Variants in ZYG11A observed in about 807,000 individuals in gnomAD.
ZYG11A encodes the protein protein zyg-11 homolog A.
A neutral mutation model predicts 77.2 loss-of-function variants in ZYG11A; 62 were observed. That is an observed-to-expected ratio of 0.80 (90% CI 0.65 to 0.99). The LOEUF (loss-of-function observed/expected upper bound fraction) is 0.99, where lower values mean the gene tolerates loss of function less well. Ranked by LOEUF, ZYG11A falls within the 50% of genes least tolerant of loss-of-function variation. The probability of loss-of-function intolerance (pLI) is 0.00; values close to 1 mark genes in which losing one functional copy is unlikely to be tolerated. For missense variants in ZYG11A, 828 were observed against 896.8 expected (o/e 0.92, Z 0.98); for synonymous variants, 315 against 324.6 (o/e 0.97, Z 0.32).
intron 11 of ZYG11A, among the ~76,000 whole-genome samples, chr1:52,883,726 C>G (rs892437894): frequency 7.2e-5 from 11 of 152,026 alleles, no homozygotes; most frequent in African/African-American, 2.7e-4. Flanking sequence ...CATGCCCAGC[C>G]TAATTTTTAA....
intron 13 of ZYG11A, among the ~76,000 whole-genome samples, chr1:52,890,429 G>A (rs1310526007): frequency 6.7e-6 from 1 of 150,188 alleles, no homozygotes. Context: ...GTAGAAACCG[G>A]GTTTCATCAT....
At chr1:52,889,792 A>G (rs1353539031) in intron 13 of ZYG11A, among the ~76,000 whole-genome samples, 3 of 151,192 alleles carry the variant, frequency 2.0e-5, no homozygotes, top group South Asian at 2.1e-4. Context: ...GCTCGCTGCA[A>G]GCTCTGCCTC....
intron 8 of ZYG11A, 28 bp from the exon 9 acceptor site, chr1:52,877,654 A>G (rs976336909): frequency 1.3e-6 from 2 of 1,532,932 alleles, no homozygotes; most frequent in Non-Finnish European, 1.8e-6. Context: ...AGAGCATCTA[A>G]CTCCCTCCCT....
At chr1:52,852,803 C>T (rs940614796) in intron 1 of ZYG11A, among the ~76,000 whole-genome samples, 1 of 152,122 alleles carries the variant, frequency 6.6e-6, no homozygotes, top group South Asian at 2.1e-4. Flanking sequence ...GTCTGGCCTA[C>T]CTTAAATGTG....
At chr1:52,873,870 G>C (rs1293958229) in intron 8 of ZYG11A, among the ~76,000 whole-genome samples, 1 of 151,962 alleles carries the variant, frequency 6.6e-6, no homozygotes, top group Non-Finnish European at 1.5e-5. Context: ...TGTAGTCCCA[G>C]CTACTCGGGA....
chr1:52,847,030 T>C (rs929283809), intron 1 of ZYG11A, among the ~76,000 whole-genome samples: 10 of 152,002 alleles, frequency 6.6e-5, no homozygotes, highest in African/African-American at 2.2e-4. Context: ...GTATTTTTAG[T>C]AGAGACGGGG....
intron 8 of ZYG11A, among the ~76,000 whole-genome samples, chr1:52,871,654 T>C (rs1646168991): frequency 6.6e-6 from 1 of 152,056 alleles, no homozygotes; most frequent in African/African-American, 2.4e-5. Flanking sequence ...AATTTTTGTA[T>C]TTTTAGTAGA....
chr1:52,869,212 A>ATTT (rs34681867), intron 8 of ZYG11A, among the ~76,000 whole-genome samples: 1,153 of 73,696 alleles, frequency 0.016, 15 homozygotes, highest in African/African-American at 0.024. Context: ...ACTTTATAGG[A>ATTT]TTTTTTTTTT....
intron 1 of ZYG11A, among the ~76,000 whole-genome samples, chr1:52,852,982 G>A (rs1006541007): frequency 1.3e-5 from 2 of 152,212 alleles, no homozygotes; most frequent in Non-Finnish European, 2.9e-5. Context: ...TGGGCCTGAA[G>A]AATGTTTGAA....
intron 3 of ZYG11A, among the ~76,000 whole-genome samples, chr1:52,857,983 C>T (rs1018792269): frequency 6.6e-6 from 1 of 151,784 alleles, no homozygotes; most frequent in Non-Finnish European, 1.5e-5. Context: ...GATTGGGTTT[C>T]TTCATGTTGG....
At position 52,857,091 on chromosome 1, in the gene ZYG11A, C is replaced by T. The variant is rs1310053805; in HGVS notation, c.350C>T (p.Ala117Val). 4 of 1,551,700 alleles carry T rather than the reference C, an allele frequency of 2.6e-6. No homozygotes were observed. In the African/African-American group the frequency reaches 4.1e-5, roughly 16 times the overall value. Residue 117 changes from alanine (A) to valine (V), a missense_variant, in exon 3 of 14, where the codon GCA becomes GTA. Coordinates refer to ENST00000371528, the MANE Select transcript of ZYG11A (RefSeq NM_001004339.3). ...NIQKAKISTA[A>V]FIKAFCRHKL... is the part of the protein sequence containing the mutation. ...CAAAAAGCTAAAATCTCTACAGCTG[C>T]ATTCATAAAAGCCTTCTGCCGTCAT...
intron 8 of ZYG11A, among the ~76,000 whole-genome samples, chr1:52,870,319 C>T (rs1249778919): frequency 4.6e-5 from 7 of 151,246 alleles, no homozygotes; most frequent in Non-Finnish European, 7.4e-5. Flanking sequence ...CAGGCAGAGA[C>T]GCTTCTCACT....
At chr1:52,889,960 G>A (rs930672580) in intron 13 of ZYG11A, among the ~76,000 whole-genome samples, 4 of 151,436 alleles carry the variant, frequency 2.6e-5, no homozygotes, top group East Asian at 3.9e-4. Flanking sequence ...TGATCCACCC[G>A]CCTTGGCCTC....
Position 52,889,214 on chromosome 1 carries a change from G to A in ZYG11A, c.2104+2161G>A, listed in dbSNP as rs531572947. Among the ~76,000 whole-genome samples the A allele has an allele frequency of 5.9e-5, 9 of 152,060 alleles. No homozygotes were observed. The East Asian group carries it at 1.4e-3, about 23-fold the overall frequency. On this transcript the variant is annotated intron_variant, in intron 13 of 13. Transcript: ENST00000371528. ...GCTGAAGTGCAGCGGCTTGATCACAGCTCACTGCAGTCTCAGCTCAGGTGA... is the reference window on the plus strand; with the variant it reads ...GCTGAAGTGCAGCGGCTTGATCACAACTCACTGCAGTCTCAGCTCAGGTGA...
Position 52,877,843 on chromosome 1 carries a change from G to C in ZYG11A, c.1704G>C (p.Glu568Asp). The C allele has an allele frequency of 4.5e-6, 7 of 1,551,368 alleles. No homozygotes were observed. The highest frequency in any genetic ancestry group is 5.2e-6 in the Non-Finnish European group (6 of 1,146,916). Residue 568 changes from glutamate (E) to aspartate (D), a missense_variant and splice_region_variant, in exon 9 of 14, where the codon GAG (glutamate) becomes GAC (aspartate). Glu to Asp is a conservative substitution (Grantham distance 45). Transcript: ENST00000371528. ...QGLQIFIQVL[E>D]TFSESAIQSK... is the part of the protein sequence containing the mutation. Reference sequence around the variant, plus strand: ...TGCAAATCTTCATCCAAGTCTTGGAGGTGGGAAGACAGGATTGAGTTTATA... The same window carrying C: ...TGCAAATCTTCATCCAAGTCTTGGACGTGGGAAGACAGGATTGAGTTTATA...
chr1:52,887,087 T>C, intron 13 of ZYG11A, 34 bp downstream of exon 13: 1 of 1,202,550 alleles, frequency 8.3e-7, no homozygotes, highest in Non-Finnish European at 1.2e-6. Context: ...AACATAATAG[T>C]TTTCCAGCTA....
intron 10 of ZYG11A, among the ~76,000 whole-genome samples, chr1:52,879,034 T>G (rs1382148911): frequency 6.6e-6 from 1 of 151,560 alleles, no homozygotes; most frequent in African/African-American, 2.4e-5. Flanking sequence ...ATTAATCACT[T>G]TACTATACTA....
chr1:52,879,718 C>A (rs1646327986), intron 10 of ZYG11A, among the ~76,000 whole-genome samples: 1 of 151,772 alleles, frequency 6.6e-6, no homozygotes, highest in East Asian at 1.9e-4. Context: ...ACATATCCTA[C>A]CAGCTGACCT....
chr1:52,842,937 C>T lies in ZYG11A; in HGVS notation c.54C>T (p.Asp18=). The part of the protein sequence containing the change: ...GHTPRNIVPP[D]AQKDALGCCV... ...CGCCCCGGAACATCGTCCCTCCTGA[C>T]GCTCAGAAGGATGCCCTGGGCTGCT... Residue 18 remains aspartate (D), a synonymous_variant, in exon 1 of 14, where the codon GAC becomes GAT. Coordinates refer to ENST00000371528, the MANE Select transcript of ZYG11A (RefSeq NM_001004339.3). 1 of 1,529,884 alleles carries T rather than the reference C, an allele frequency of 6.5e-7. No homozygotes were observed. Among genetic ancestry groups the T allele is most frequent in the African/African-American group, 1.4e-5 (1 of 70,274 alleles). 94.8% of individuals were successfully genotyped at this position (1,529,884 alleles called of 1,614,324 possible).
Sources: gnomAD v4.1 joint callset for allele counts (sites outside exome capture counted in the v4.1 genomes callset) on GRCh38, gnomAD v4.1.1 for gene constraint, MANE v1.5 for transcripts, NCBI Gene and HGNC (gene_info 2026-07-23, HGNC 2026-07-21) for gene names.